Variants in NME7 observed in about 807,000 individuals in gnomAD.
NME7 encodes the protein nucleoside diphosphate kinase 7.
NME7 carries 41 observed loss-of-function variants against 49.1 expected under a neutral mutation model. The ratio of observed to expected loss-of-function variants is 0.83; its 90% CI spans 0.65 to 1.08. The LOEUF is 1.08. Among genes scored for constraint, NME7 ranks in the 50% least tolerant of loss-of-function variants. NME7 has a pLI of 0.00. For missense variants in NME7, 423 were observed against 463.4 expected (o/e 0.91, Z 0.80); for synonymous variants, 139 against 150.6 (o/e 0.92, Z 0.56).
intron 10 of NME7, among the ~76,000 whole-genome samples, chr1:169,218,481 G>C (rs1263106058): frequency 6.6e-6 from 1 of 152,044 alleles, no homozygotes; most frequent in Non-Finnish European, 1.5e-5. Flanking sequence ...AGCTACTCGG[G>C]ATGCTGAGAT....
In NME7 at chr1:169,303,312, A is replaced by G. The variant is rs566527358; in HGVS notation, c.390-117T>C. 8.7e-4 allele frequency: 374 copies of G among 432,026 alleles called. 4 individuals carry two copies. The highest frequency in any genetic ancestry group is 7.3e-3 in the African/African-American group (352 of 48,294). The allele number at this position is 432,026 out of a possible 1,614,324, so 26.8% of individuals were successfully genotyped here. ...CTCAATTTATACTAATTTATATTTT[A>G]ATTAATAATTTTTCACCAAATATTC... On this transcript the variant is annotated intron_variant, in intron 4 of 11. Coordinates refer to ENST00000367811, the MANE Select transcript of NME7 (RefSeq NM_013330.5).
chr1:169,300,027 T>G (rs1050150388), intron 5 of NME7, among the ~76,000 whole-genome samples: 3 of 152,106 alleles, frequency 2.0e-5, no homozygotes, highest in Non-Finnish European at 4.4e-5. Flanking sequence ...AAACACACAA[T>G]TGAATAAGCC....
chr1:169,354,901 AAAAT>A (rs1489577604), intron 1 of NME7, among the ~76,000 whole-genome samples: 1 of 120,810 alleles, frequency 8.3e-6, no homozygotes, highest in Non-Finnish European at 1.7e-5. Context: ...AATATAATAT[AAAAT>A]AAATATAATA....
chr1:169,360,387 A>G (rs1288477198), intron 1 of NME7, among the ~76,000 whole-genome samples: 1 of 152,234 alleles, frequency 6.6e-6, no homozygotes, highest in East Asian at 1.9e-4. Flanking sequence ...CCAAATTAAT[A>G]TGGCAAAAGT....
At chr1:169,335,702 T>C (rs1008677527) in intron 1 of NME7, among the ~76,000 whole-genome samples, 1 of 147,104 alleles carries the variant, frequency 6.8e-6, no homozygotes, top group Admixed American at 6.8e-5. Context: ...TATATGTTTA[T>C]ATATTTTATA....
intron 7 of NME7, among the ~76,000 whole-genome samples, chr1:169,244,570 A>G (rs1392079341): frequency 6.8e-6 from 1 of 147,292 alleles, no homozygotes; most frequent in Non-Finnish European, 1.5e-5. Flanking sequence ...TGGGAGGCGG[A>G]GCTTTCAGTG....
chr1:169,177,119 CA>C (rs1659776960), intron 10 of NME7, among the ~76,000 whole-genome samples: 1 of 152,080 alleles, frequency 6.6e-6, no homozygotes, highest in Non-Finnish European at 1.5e-5. Flanking sequence ...AATTACTATC[CA>C]GTCTTGCTTT....
chr1:169,172,367 T>G (rs1284794454), intron 10 of NME7, among the ~76,000 whole-genome samples: 1 of 151,732 alleles, frequency 6.6e-6, no homozygotes, highest in Non-Finnish European at 1.5e-5. Context: ...TGTGTATGTG[T>G]GTACTCTTCC....
At chr1:169,340,999 G>A (rs1652673647) in intron 1 of NME7, among the ~76,000 whole-genome samples, 1 of 152,218 alleles carries the variant, frequency 6.6e-6, no homozygotes, top group Non-Finnish European at 1.5e-5. Context: ...ATTTTCTAGG[G>A]AGGAATTCAA....
chr1:169,281,608 T>C (rs1268904636), intron 7 of NME7, among the ~76,000 whole-genome samples: 1 of 152,176 alleles, frequency 6.6e-6, no homozygotes, highest in Non-Finnish European at 1.5e-5. Context: ...ATCGCTCTTA[T>C]TATTTTGAGA....
intron 11 of NME7, among the ~76,000 whole-genome samples, chr1:169,157,191 T>G (rs2101829473): frequency 6.6e-6 from 1 of 152,244 alleles, no homozygotes; most frequent in African/African-American, 2.4e-5. Flanking sequence ...TTCCGCCACA[T>G]AAAGAGAGAG....
At chr1:169,281,755 C>T (rs746531189) in intron 7 of NME7, among the ~76,000 whole-genome samples, 9 of 152,002 alleles carry the variant, frequency 5.9e-5, no homozygotes, top group Non-Finnish European at 1.0e-4. Flanking sequence ...TTACGTTTAT[C>T]GATTTGTGTA....
intron 7 of NME7, among the ~76,000 whole-genome samples, chr1:169,278,125 T>C (rs948763706): frequency 6.6e-6 from 1 of 151,328 alleles, no homozygotes; most frequent in Admixed American, 6.6e-5. Flanking sequence ...TAACATTTTT[T>C]CCTTCATTTC....
At chr1:169,271,830 C>T (rs770728515) in intron 7 of NME7, among the ~76,000 whole-genome samples, 9 of 131,314 alleles carry the variant, frequency 6.9e-5, no homozygotes, top group Non-Finnish European at 1.1e-4. Context: ...ATATTAATAC[C>T]AGGAGATGGG....
intron 3 of NME7, among the ~76,000 whole-genome samples, chr1:169,318,857 T>C (rs1366126385): frequency 6.6e-6 from 1 of 151,630 alleles, no homozygotes; most frequent in African/African-American, 2.4e-5. Context: ...TGAGAAAAAA[T>C]AGCCAGAGAG....
intron 11 of NME7, among the ~76,000 whole-genome samples, chr1:169,153,865 AT>A (rs34219745): frequency 0.35 from 50,260 of 145,420 alleles, 8,522 homozygotes; most frequent in East Asian, 0.57. Flanking sequence ...TGCTCGGCTA[AT>A]TTTTTTTTTT....
intron 7 of NME7, among the ~76,000 whole-genome samples, chr1:169,248,594 T>G (rs1056908329): frequency 6.6e-6 from 1 of 152,098 alleles, no homozygotes; most frequent in Non-Finnish European, 1.5e-5. Context: ...TTATCTTCTA[T>G]AATTTTTATA....
At chr1:169,238,113 G>A (rs1448310657) in intron 7 of NME7, among the ~76,000 whole-genome samples, 3 of 152,028 alleles carry the variant, frequency 2.0e-5, no homozygotes, top group Non-Finnish European at 2.9e-5. Context: ...GAGATAGGAA[G>A]AAGCTTCACG....
intron 7 of NME7, among the ~76,000 whole-genome samples, chr1:169,253,710 A>G (rs1648752281): frequency 6.6e-6 from 1 of 152,158 alleles, no homozygotes. Context: ...TGTCATAGAT[A>G]GCTCTTATTA....
Sources: gnomAD v4.1 joint callset for allele counts (sites outside exome capture counted in the v4.1 genomes callset) on GRCh38, gnomAD v4.1.1 for gene constraint, MANE v1.5 for transcripts, NCBI Gene and HGNC (gene_info 2026-07-23, HGNC 2026-07-21) for gene names.